The following BAIAP2L2 variants were observed in gnomAD, a reference collection of about 807,000 sequenced individuals.
BAIAP2L2 encodes BAR/IMD domain-containing adapter protein 2-like 2.
BAIAP2L2 carries 65 observed loss-of-function variants against 60.4 expected under a neutral mutation model. That is an observed-to-expected ratio of 1.08 (90% CI 0.88 to 1.32). The LOEUF (loss-of-function observed/expected upper bound fraction) is 1.32, where lower values mean the gene tolerates loss of function less well. BAIAP2L2 is among the 40% of genes most tolerant of loss of function. The pLI, the probability that BAIAP2L2 is intolerant of heterozygous loss-of-function variation, is 0.00. For missense variants in BAIAP2L2, 836 were observed against 741.2 expected, an observed-to-expected ratio of 1.13 and a Z score of -1.48; for synonymous variants, 344 against 301.7, an observed-to-expected ratio of 1.14 and a Z score of -1.45.
rs537890121 is a variant in BAIAP2L2 at position 38,097,955 on chromosome 22, C to G, written c.465+108G>C. The G allele has an allele frequency of 1.4e-5, 15 of 1,051,140 alleles. No individual in the cohort carries two copies. In the Admixed American group the frequency reaches 2.5e-4, roughly 17 times the overall value. 65.1% of individuals were successfully genotyped at this position (1,051,140 alleles called of 1,614,324 possible). A position where few individuals can be genotyped will look rare whatever the true frequency, so the allele number is the denominator to read the frequency against. ...CACGCTCATCACAGTTGGGCTGGTG[C>G]TCGGTGGGGGAGCTCAGGGAGGCGT... is the stretch of plus-strand genomic sequence containing the variant. On this transcript the variant is annotated intron_variant, in intron 6 of 13. Transcript: ENST00000381669.
chr22:38,085,590 C>G (rs1031896685), intron 13 of BAIAP2L2, 96 bp downstream of exon 13: 7 of 1,438,378 alleles, frequency 4.9e-6, no homozygotes, highest in Non-Finnish European at 6.8e-6. Flanking sequence ...ATCAAGAGAT[C>G]CTCCTGCCCC....
chr22:38,106,511 C>G (rs1269396891), intron 4 of BAIAP2L2, among the ~76,000 whole-genome samples: 2 of 143,294 alleles, frequency 1.4e-5, no homozygotes, highest in Non-Finnish European at 3.0e-5. Context: ...CAGAGCAAGA[C>G]TCCGTCTCAA....
intron 1 of BAIAP2L2, among the ~76,000 whole-genome samples, chr22:38,109,522 G>A (rs140653738): frequency 8.3e-4 from 126 of 152,272 alleles, no homozygotes; most frequent in Admixed American, 3.9e-3. Flanking sequence ...TCCTCCTCCC[G>A]CTGGGCAGAA....
chr22:38,102,568 C>A (rs1231564756), intron 4 of BAIAP2L2, among the ~76,000 whole-genome samples: 2 of 151,984 alleles, frequency 1.3e-5, no homozygotes, highest in African/African-American at 4.8e-5. Flanking sequence ...GAATAACATT[C>A]CTACTGACAA....
At chr22:38,098,000 G>A (rs998830508) in intron 6 of BAIAP2L2, 63 bp downstream of exon 6, 1 of 557,050 alleles carries the variant, frequency 1.8e-6, no homozygotes, top group African/African-American at 2.0e-5. Flanking sequence ...CCAGGGCCCG[G>A]TCTCGCCCCG....
intron 7 of BAIAP2L2, among the ~76,000 whole-genome samples, chr22:38,094,541 G>A (rs2086382469): frequency 6.6e-6 from 1 of 152,200 alleles, no homozygotes. Context: ...CTTGATAGTG[G>A]TGATGGATGC....
chr22:38,108,150 G>A, intron 3 of BAIAP2L2, 105 bp downstream of exon 3: 1 of 1,154,948 alleles, frequency 8.7e-7, no homozygotes, highest in Non-Finnish European at 1.2e-6. Context: ...CTGGCTCTGG[G>A]CCCTGGGCTG....
At chr22:38,109,548 G>A (rs1049845048) in intron 1 of BAIAP2L2, among the ~76,000 whole-genome samples, 5 of 152,180 alleles carry the variant, frequency 3.3e-5, no homozygotes, top group Admixed American at 6.5e-5. Flanking sequence ...CCCGCCTGCT[G>A]TGGTCCCCAC....
chr22:38,102,804 C>T (rs2086592253), intron 4 of BAIAP2L2, among the ~76,000 whole-genome samples: 1 of 151,900 alleles, frequency 6.6e-6, no homozygotes, highest in Admixed American at 6.6e-5. Flanking sequence ...CTCTGGGAGA[C>T]CAAGGCGGGT....
At chr22:38,092,490 T>G (rs543214809) in intron 7 of BAIAP2L2, among the ~76,000 whole-genome samples, 6 of 152,258 alleles carry the variant, frequency 3.9e-5, no homozygotes, top group Admixed American at 2.6e-4. Flanking sequence ...TTGGCCAGGC[T>G]GGTCTTGAAC....
rs748584558 is a variant in BAIAP2L2, at chr22:38,097,015, C to G, written c.612+17G>C. The G allele has an allele frequency of 5.6e-6, 9 of 1,603,426 alleles. No homozygotes were observed. In the East Asian group the frequency reaches 2.0e-4, roughly 36 times the overall value. On this transcript the variant is annotated intron_variant, in intron 7 of 13. Coordinates refer to ENST00000381669, the MANE Select transcript of BAIAP2L2 (RefSeq NM_025045.6). ...CTCCTAGAAGCGCCCCGCTTGCTGC[C>G]CCCCAGTCCAACTCACCCGGCCGAA... is the stretch of plus-strand genomic sequence containing the variant.
intron 4 of BAIAP2L2, among the ~76,000 whole-genome samples, chr22:38,103,188 C>T (rs1462914542): frequency 6.6e-6 from 1 of 152,022 alleles, no homozygotes; most frequent in Non-Finnish European, 1.5e-5. Flanking sequence ...TGCACTTCAG[C>T]CTGGGTGACA....
intron 1 of BAIAP2L2, among the ~76,000 whole-genome samples, chr22:38,109,873 A>G (rs2086766090): frequency 6.6e-6 from 1 of 151,178 alleles, no homozygotes; most frequent in Admixed American, 6.6e-5. Flanking sequence ...TTTCTCATCT[A>G]TCAAGCAGGG....
At position 38,109,336 on chromosome 22, in the gene BAIAP2L2, G is replaced by C. The variant is rs181418101; in HGVS notation, c.52-128C>G. The C allele has an allele frequency of 2.0e-3, 1,474 of 737,984 alleles. 3 individuals are homozygous for C. The highest frequency in any genetic ancestry group is 2.8e-3 in the Non-Finnish European group (1,240 of 436,322). The allele number at this position is 737,984 out of a possible 1,614,324, so 45.7% of individuals were successfully genotyped here. On this transcript the variant is annotated intron_variant, in intron 1 of 13. Coordinates refer to ENST00000381669, the MANE Select transcript of BAIAP2L2 (RefSeq NM_025045.6). ...AGCCCAGTGAGAAGCCCCAGACTTT[G>C]GGGGGCCCATCTACAAACCTAGGCT...
intron 7 of BAIAP2L2, chr22:38,093,943 G>C (rs770885010): frequency 5.3e-5 from 24 of 456,594 alleles, no homozygotes; most frequent in South Asian, 3.6e-4. Context: ...GAAACAACCA[G>C]GCGTCCATCA....
chr22:38,085,374 C>T lies in BAIAP2L2; in HGVS notation c.1516G>A (p.Gly506Ser). ...QYPPQELFPR[G>S]TNPFATVKLR... ...TTGACAGTGGCAAAAGGATTTGTGCCCCTGTAGGAGGAGAGAGAGAATGGG... is the reference window on the plus strand; with the variant it reads ...TTGACAGTGGCAAAAGGATTTGTGCTCCTGTAGGAGGAGAGAGAGAATGGG... Residue 506 changes from glycine to serine, a missense_variant and splice_region_variant, in exon 14 of 14, where the codon GGC becomes AGC. Physicochemically the swap from Gly to Ser is moderately conservative, Grantham distance 56. Transcript: ENST00000381669. 1.9e-6 allele frequency: 3 copies of T among 1,613,660 alleles called. No individual in the cohort carries two copies. Among genetic ancestry groups the T allele is most frequent in the Non-Finnish European group, 2.5e-6 (3 of 1,179,722 alleles).
chr22:38,103,641 T>C (rs1018183353), intron 4 of BAIAP2L2, among the ~76,000 whole-genome samples: 1 of 152,014 alleles, frequency 6.6e-6, no homozygotes, highest in Non-Finnish European at 1.5e-5. Flanking sequence ...ACTGGGCAGA[T>C]CATCTGAGGT....
chr22:38,110,137 G>GAGAGAGAGAGAGGGAGAGAC (rs1569234514), intron 1 of BAIAP2L2, among the ~76,000 whole-genome samples: 39 of 92,244 alleles, frequency 4.2e-4, no homozygotes, highest in African/African-American at 9.0e-4. Context: ...GAGAGAGAGA[G>GAGAGAGAGAGAGGGAGAGAC]AGAGAGAGAG....
At chr22:38,108,436 G>T in intron 2 of BAIAP2L2, 95 bp from the exon 3 acceptor site, 2 of 959,094 alleles carry the variant, frequency 2.1e-6, no homozygotes, top group Non-Finnish European at 1.6e-6. Flanking sequence ...TCTGTCCTGG[G>T]TGGGGTGTGG....
Sources: gnomAD v4.1 joint callset for allele counts (sites outside exome capture counted in the v4.1 genomes callset) on GRCh38, gnomAD v4.1.1 for gene constraint, MANE v1.5 for transcripts, NCBI Gene and HGNC (gene_info 2026-07-23, HGNC 2026-07-21) for gene names.